Variants in CASQ2 observed in about 807,000 individuals in gnomAD.
CASQ2 encodes calsequestrin 2.
Under a neutral mutation model 46.5 loss-of-function variants are expected in CASQ2, and 49 were observed. The observed-to-expected ratio is 1.05, with a 90% CI of 0.84 to 1.34. The LOEUF is 1.34. Ranked by LOEUF, CASQ2 falls within the 40% of genes most tolerant of loss-of-function variation. The probability of loss-of-function intolerance (pLI) is 0.00; values close to 1 mark genes in which losing one functional copy is unlikely to be tolerated. For synonymous variants in CASQ2, 174 were observed against 168.5 expected, an observed-to-expected ratio of 1.03 and a Z score of -0.25; for missense variants, 486 against 481.3, an observed-to-expected ratio of 1.01 and a Z score of -0.09.
chr1:115,741,851 T>C (rs1273584896), intron 2 of CASQ2, among the ~76,000 whole-genome samples: 2 of 152,170 alleles, frequency 1.3e-5, no homozygotes, highest in South Asian at 2.1e-4. Flanking sequence ...ATTCCTTAGA[T>C]TGTTGTAAAA....
At chr1:115,703,145 C>T (rs1328386346) in intron 9 of CASQ2, 150 bp from the exon 10 acceptor site, 1 of 697,712 alleles carries the variant, frequency 1.4e-6, no homozygotes, top group Non-Finnish European at 2.6e-6. Flanking sequence ...GACTTGGCCC[C>T]AGCCTTCAAG....
chr1:115,757,311 A>G (rs1009708647), intron 1 of CASQ2, among the ~76,000 whole-genome samples: 22 of 152,216 alleles, frequency 1.4e-4, no homozygotes, highest in African/African-American at 5.1e-4. Flanking sequence ...TGGGATTCAC[A>G]GAGAACTGCG....
intron 8 of CASQ2, 56 bp from the exon 9 acceptor site, chr1:115,705,348 T>G: frequency 8.8e-7 from 1 of 1,131,368 alleles, no homozygotes; most frequent in Non-Finnish European, 1.3e-6. Context: ...GCTTCTAATG[T>G]GGAGAGCAGA....
At chr1:115,727,146 A>T in intron 5 of CASQ2, 24 bp from the exon 6 acceptor site, 1 of 1,572,772 alleles carries the variant, frequency 6.4e-7, no homozygotes, top group Non-Finnish European at 8.7e-7. Flanking sequence ...AAATAAGACA[A>T]AGTTTATTTG....
chr1:115,701,515 G>T, intron 10 of CASQ2, 89 bp from the exon 11 acceptor site: 1 of 837,908 alleles, frequency 1.2e-6, no homozygotes, highest in Non-Finnish European at 2.1e-6. Context: ...TATGCTGAGT[G>T]CCCCCCGACT....
intron 9 of CASQ2, among the ~76,000 whole-genome samples, chr1:115,703,301 C>T (rs1456296583): frequency 2.0e-5 from 3 of 152,164 alleles, no homozygotes; most frequent in Non-Finnish European, 4.4e-5. Context: ...AGAGCCATTT[C>T]CCTCCACCTC....
rs189642016 is a variant in CASQ2 at position 115,731,137 on chromosome 1, A to G, written c.606+1764T>C. On this transcript the variant is annotated intron_variant, in intron 5 of 10. Transcript: ENST00000261448. ...TGAAATCCAACAAGGCTACATGAAC[A>G]CTGGCACTTATGACTCAGTGTCCTA... 1.6e-4 allele frequency among the ~76,000 whole-genome samples: 24 copies of G among 152,286 alleles called. No individual in the cohort carries two copies. The East Asian group carries it at 4.4e-3, about 28-fold the overall frequency.
At chr1:115,762,626 T>C (rs1391003306) in intron 1 of CASQ2, among the ~76,000 whole-genome samples, 1 of 152,244 alleles carries the variant, frequency 6.6e-6, no homozygotes, top group Non-Finnish European at 1.5e-5. Context: ...TCTGAGGTCC[T>C]TGCATGTCTC....
rs1472514351 is a variant in CASQ2, at chr1:115,731,797, G to A, written c.606+1104C>T. On this transcript the variant is annotated intron_variant, in intron 5 of 10. Coordinates refer to ENST00000261448, the MANE Select transcript of CASQ2 (RefSeq NM_001232.4). ...GAGGATACTAATTCCTCCCTTATGG[G>A]AGTGTTGAAAGGATGAAGTGAGAAA... is the stretch of plus-strand genomic sequence containing the variant. Among the ~76,000 whole-genome samples, 4 of 152,190 alleles carry A rather than the reference G, an allele frequency of 2.6e-5. No individual in the cohort carries two copies. In the South Asian group the frequency reaches 8.3e-4, roughly 32 times the overall value.
chr1:115,717,877 C>A lies in CASQ2; in HGVS notation c.801G>T (p.Gly267=). ...TCTCTGCAAAGGCCACAATGTGGATCCCATTCAAATCATCTTCCTGTATGA... is the reference window on the plus strand; with the variant it reads ...TCTCTGCAAAGGCCACAATGTGGATACCATTCAAATCATCTTCCTGTATGA... ...MFETWEDDLN[G]IHIVAFAEKS... Residue 267 remains glycine, a synonymous_variant, in exon 8 of 11, where the codon GGG becomes GGT. Coordinates refer to ENST00000261448, the MANE Select transcript of CASQ2 (RefSeq NM_001232.4). 1 of 1,610,852 alleles carries A rather than the reference C, an allele frequency of 6.2e-7. No homozygotes were observed. The highest frequency in any genetic ancestry group is 8.5e-7 in the Non-Finnish European group (1 of 1,177,030).
intron 1 of CASQ2, among the ~76,000 whole-genome samples, chr1:115,766,920 A>AGATAGAT (rs1557809150): frequency 3.6e-5 from 5 of 138,988 alleles, no homozygotes; most frequent in African/African-American, 1.4e-4. Context: ...GATAGATAGA[A>AGATAGAT]GGATGATAGA....
chr1:115,725,064 T>G (rs1647530367), intron 7 of CASQ2, among the ~76,000 whole-genome samples: 1 of 151,986 alleles, frequency 6.6e-6, no homozygotes, highest in Non-Finnish European at 1.5e-5. Context: ...ATGTTTTTGT[T>G]TTGTTTTGTT....
chr1:115,708,370 G>T (rs1654427705), intron 8 of CASQ2, among the ~76,000 whole-genome samples: 2 of 152,178 alleles, frequency 1.3e-5, no homozygotes, highest in African/African-American at 4.8e-5. Context: ...TCAGGGTGAT[G>T]AATTCTGTAA....
At position 115,727,085 on chromosome 1, in the gene CASQ2, T is replaced by C; in HGVS notation, c.644A>G (p.Asp215Gly). The C allele has an allele frequency of 6.2e-7, 1 of 1,613,220 alleles. No homozygotes were observed. Among genetic ancestry groups the C allele is most frequent in the South Asian group, 1.1e-5 (1 of 91,046 alleles). The change falls in exon 6 of 11, where the codon GAC becomes GGC. Residue 215 changes from aspartate (D) to glycine (G), a missense_variant. By Grantham distance (94) the Asp-to-Gly change is moderately conservative. Coordinates refer to ENST00000261448, the MANE Select transcript of CASQ2 (RefSeq NM_001232.4). ...CTCATCCATAAATGGCTCATAGAAG[T>C]CAACCTCATTCATCTTCAAAGATAA... ...KKLSLKMNEV[D>G]FYEPFMDEPI...
chr1:115,712,820 C>A (rs1238840555), intron 8 of CASQ2, among the ~76,000 whole-genome samples: 3 of 145,162 alleles, frequency 2.1e-5, no homozygotes, highest in African/African-American at 7.8e-5. Flanking sequence ...GGTGCCACTG[C>A]ACTCCAGCCT....
At chr1:115,713,210 G>T (rs556733823) in intron 8 of CASQ2, among the ~76,000 whole-genome samples, 59 of 152,324 alleles carry the variant, frequency 3.9e-4, no homozygotes, top group African/African-American at 1.4e-3. Context: ...ATGTCAGCCT[G>T]ACACAGACAC....
chr1:115,751,589 G>A (rs1339105358), intron 1 of CASQ2, among the ~76,000 whole-genome samples: 3 of 151,990 alleles, frequency 2.0e-5, no homozygotes, highest in Non-Finnish European at 4.4e-5. Context: ...GGAGAATGGC[G>A]TGAGCCCTGG....
chr1:115,744,744 C>T, intron 2 of CASQ2, 84 bp downstream of exon 2: 1 of 871,992 alleles, frequency 1.1e-6, no homozygotes, highest in East Asian at 2.4e-5. Flanking sequence ...TCCGCTTATG[C>T]AAGAATAATT....
chr1:115,751,223 C>T (rs1648568503), intron 1 of CASQ2, among the ~76,000 whole-genome samples: 1 of 152,184 alleles, frequency 6.6e-6, no homozygotes, highest in South Asian at 2.1e-4. Context: ...GGTTCTGGAT[C>T]TTGTGCCAAT....
Sources: allele counts gnomAD v4.1 joint callset (sites outside exome capture counted in the v4.1 genomes callset), GRCh38; gene constraint gnomAD v4.1.1; transcripts MANE v1.5; gene names NCBI Gene and HGNC (gene_info 2026-07-23, HGNC 2026-07-21).